The following RHBDF2 variants were observed in gnomAD, a reference collection of about 807,000 sequenced individuals.
The protein encoded by RHBDF2 is inactive rhomboid protein 2.
RHBDF2 carries 38 observed loss-of-function variants against 95.2 expected under a neutral mutation model. The ratio of observed to expected loss-of-function variants is 0.40; its 90% CI spans 0.31 to 0.52. The LOEUF is 0.52. Ranked by LOEUF, RHBDF2 falls within the 20% of genes least tolerant of loss-of-function variation. The probability of loss-of-function intolerance (pLI) is 0.56; values close to 1 mark genes in which losing one functional copy is unlikely to be tolerated. For missense variants in RHBDF2, 863 were observed against 1,137.7 expected, an observed-to-expected ratio of 0.76 and a Z score of 3.47; for synonymous variants, 442 against 462.0, an observed-to-expected ratio of 0.96 and a Z score of 0.55.
chr17:76,496,436 C>A (rs543072970), intron 1 of RHBDF2, among the ~76,000 whole-genome samples: 17 of 152,326 alleles, frequency 1.1e-4, no homozygotes, highest in African/African-American at 3.6e-4. Flanking sequence ...CACTCTGCAG[C>A]CTCTTGCCAC....
Position 76,474,586 on chromosome 17 carries a change from A to T in RHBDF2, c.1303-52T>A, listed in dbSNP as rs747191100. On this transcript the variant is annotated intron_variant, in intron 11 of 18. Coordinates refer to ENST00000675367, the MANE Select transcript of RHBDF2 (RefSeq NM_001005498.4). ...AGTGAGTTTGAGCCCCAGACCTGGG[A>T]GGGGTCCATCACTCCACCTCTGCCC... 21 of 1,611,388 alleles carry T rather than the reference A, an allele frequency of 1.3e-5. No homozygotes were observed. The East Asian group carries it at 3.8e-4, about 29-fold the overall frequency.
chr17:76,494,924 C>A (rs912250117), intron 1 of RHBDF2, among the ~76,000 whole-genome samples: 1 of 152,022 alleles, frequency 6.6e-6, no homozygotes, highest in Non-Finnish European at 1.5e-5. Context: ...GCACAGCAGC[C>A]GGGCCCCAGT....
chr17:76,477,368 C>G (rs1375482257), intron 7 of RHBDF2, 70 bp from the exon 8 acceptor site: 2 of 1,537,310 alleles, frequency 1.3e-6, no homozygotes, highest in East Asian at 4.5e-5. Context: ...AACCTCAATT[C>G]AAGGGCAGGA....
chr17:76,471,762 G>T lies in RHBDF2; in HGVS notation c.2355C>A (p.Gly785=). 1 of 1,609,930 alleles carries T rather than the reference G, an allele frequency of 6.2e-7. No homozygotes were observed. Among genetic ancestry groups the T allele is most frequent in the South Asian group, 1.1e-5 (1 of 90,246 alleles). ...GCCACAGCACGAGGGCGGCGAAGAGGCCGGCAAAGGCCAGCAGTGACACCA... is the reference window on the plus strand; with the variant it reads ...GCCACAGCACGAGGGCGGCGAAGAGTCCGGCAAAGGCCAGCAGTGACACCA... ...LILVSLLAFA[G]LFAALVLWLY... The change falls in exon 19 of 19, where the codon GGC becomes GGA. Residue 785 remains glycine, a synonymous_variant. Transcript: ENST00000675367.
At chr17:76,490,616 C>T (rs2074271448) in intron 1 of RHBDF2, among the ~76,000 whole-genome samples, 1 of 152,052 alleles carries the variant, frequency 6.6e-6, no homozygotes, top group Admixed American at 6.5e-5. Flanking sequence ...GGCCTCCAGA[C>T]TCCAGCTCAG....
chr17:76,479,828 G>A lies in RHBDF2; in HGVS notation c.177C>T (p.Ser59=). ...PERKNPAYLK[S]VSLQEPRSRW... ...GGCTGCGTGGCTCCTGGAGGCTGAC[G>A]CTCTTCAAGTAGGCTGGGTTCTTCC... The change falls in exon 4 of 19, where the codon AGC becomes AGT. Residue 59 remains serine, a synonymous_variant. Transcript: ENST00000675367. The A allele has an allele frequency of 1.2e-6, 2 of 1,613,134 alleles. No homozygotes were observed. The highest frequency in any genetic ancestry group is 1.7e-6 in the Non-Finnish European group (2 of 1,179,804).
intron 1 of RHBDF2, among the ~76,000 whole-genome samples, chr17:76,489,719 T>C (rs947394883): frequency 1.3e-5 from 2 of 152,112 alleles, no homozygotes; most frequent in African/African-American, 4.8e-5. Context: ...TTTAAGTCCT[T>C]AACTGTGCGG....
At chr17:76,487,212 A>G (rs961716005) in intron 2 of RHBDF2, among the ~76,000 whole-genome samples, 2 of 150,314 alleles carry the variant, frequency 1.3e-5, no homozygotes, top group African/African-American at 4.9e-5. Context: ...TGGCCTCCCA[A>G]AGTGCTTGGA....
At chr17:76,478,264 A>G (rs2073835164) in intron 6 of RHBDF2, among the ~76,000 whole-genome samples, 1 of 152,172 alleles carries the variant, frequency 6.6e-6, no homozygotes. Context: ...AAAGCACTGT[A>G]CTTCCTCTGG....
intron 1 of RHBDF2, among the ~76,000 whole-genome samples, chr17:76,488,946 TCACAACCAAAAC>T (rs2074222324): frequency 4.3e-5 from 1 of 23,340 alleles, no homozygotes; most frequent in Admixed American, 6.1e-4. Flanking sequence ...AGACTCTGTC[TCACAACCAAAAC>T]CAAAACCAAA....
chr17:76,472,156 T>A, intron 18 of RHBDF2, 104 bp from the exon 19 acceptor site: 2 of 1,174,994 alleles, frequency 1.7e-6, no homozygotes, highest in Non-Finnish European at 2.3e-6. Context: ...CTGGCAGGCA[T>A]GGGGACCCCT....
chr17:76,495,984 A>G (rs1050539991), intron 1 of RHBDF2, among the ~76,000 whole-genome samples: 2 of 152,036 alleles, frequency 1.3e-5, no homozygotes, highest in African/African-American at 4.8e-5. Flanking sequence ...TATGGCCCAC[A>G]CCTTGCTTCG....
In RHBDF2 at chr17:76,473,093, C is replaced by T. The variant is rs771499925; in HGVS notation, c.1822G>A (p.Asp608Asn). The change falls in exon 17 of 19, where the codon GAC becomes AAC. Residue 608 changes from aspartate to asparagine, a missense_variant. Around this residue, in one of 2 missense-constraint regions of RHBDF2, gnomAD observed 252 missense variants for 412.2 expected, o/e 0.61. Coordinates refer to ENST00000675367, the MANE Select transcript of RHBDF2 (RefSeq NM_001005498.4). Reference sequence around the variant, plus strand: ...AAGGGCAGCAGCCCACACACCTTGTCCAAGCAGTGCACCTGGGAGTGGGCA... The same window carrying T: ...AAGGGCAGCAGCCCACACACCTTGTTCAAGCAGTGCACCTGGGAGTGGGCA... ...ATLCSQVHCLDKVCGLLPFLN... is the reference protein window; with the variant it reads ...ATLCSQVHCLNKVCGLLPFLN... 1.9e-6 allele frequency: 3 copies of T among 1,613,988 alleles called. No individual in the cohort carries two copies. The highest frequency in any genetic ancestry group is 4.5e-5 in the East Asian group (2 of 44,886).
chr17:76,497,277 G>A (rs530539943), intron 1 of RHBDF2, among the ~76,000 whole-genome samples: 57 of 152,248 alleles, frequency 3.7e-4, no homozygotes, highest in Non-Finnish European at 7.1e-4. Context: ...GGAAAGCACA[G>A]CTGAGGGGCA....
chr17:76,488,825 G>A (rs1251394669), intron 1 of RHBDF2, among the ~76,000 whole-genome samples: 1 of 151,432 alleles, frequency 6.6e-6, no homozygotes, highest in Non-Finnish European at 1.5e-5. Flanking sequence ...GCGGGCGCCT[G>A]TAATCCCAGC....
intron 1 of RHBDF2, among the ~76,000 whole-genome samples, chr17:76,488,934 T>TGA (rs770740177): frequency 6.7e-6 from 1 of 148,492 alleles, no homozygotes. Flanking sequence ...GATGACAGTG[T>TGA]GAGACTCTGT....
intron 1 of RHBDF2, among the ~76,000 whole-genome samples, chr17:76,491,428 C>T (rs2144379218): frequency 7.1e-6 from 1 of 140,370 alleles, no homozygotes; most frequent in East Asian, 2.0e-4. Flanking sequence ...CCAGGGCAAT[C>T]AGTTGGGGGG....
chr17:76,482,812 T>A (rs564688325), intron 2 of RHBDF2, among the ~76,000 whole-genome samples: 23 of 151,694 alleles, frequency 1.5e-4, no homozygotes, highest in Non-Finnish European at 2.4e-4. Context: ...TGTCTGGCAC[T>A]TTTCTCCCCC....
intron 1 of RHBDF2, among the ~76,000 whole-genome samples, chr17:76,490,784 C>T (rs927245709): frequency 4.6e-5 from 7 of 152,328 alleles, no homozygotes; most frequent in Admixed American, 1.3e-4. Flanking sequence ...TGAAGCGCTG[C>T]GCCTGGCACA....
Sources: allele counts gnomAD v4.1 joint callset (sites outside exome capture counted in the v4.1 genomes callset), GRCh38; gene constraint gnomAD v4.1.1; regional missense constraint gnomAD v4.1.1; transcripts MANE v1.5; gene names NCBI Gene and HGNC (gene_info 2026-07-23, HGNC 2026-07-21).